POTEB3: variants seen among roughly 807,000 people sequenced by gnomAD.
The protein encoded by POTEB3 is POTE ankyrin domain family member B3, also known as ANKRD26-like family B member 1.
A neutral mutation model predicts 39.8 loss-of-function variants in POTEB3; 5 were observed. The observed-to-expected ratio is 0.13, with a 90% CI of 0.07 to 0.26. The LOEUF is 0.26. Among genes scored for constraint, POTEB3 ranks in the 10% least tolerant of loss-of-function variants. POTEB3 has a pLI of 1.00. For missense variants in POTEB3, 24 were observed against 475.6 expected (o/e 0.05, Z 8.83); for synonymous variants, 5 against 161.5 (o/e 0.03, Z 7.35).
intron 3 of POTEB3, among the ~76,000 whole-genome samples, chr15:21,434,038 C>T (rs1419932151): frequency 3.3e-5 from 4 of 120,780 alleles, no homozygotes; most frequent in African/African-American, 1.1e-4. Context: ...ACAACACACA[C>T]ACACACACAC....
chr15:21,426,401 A>C (rs1898709718), intron 6 of POTEB3, among the ~76,000 whole-genome samples: 1 of 150,540 alleles, frequency 6.6e-6, no homozygotes, highest in Non-Finnish European at 1.5e-5. Flanking sequence ...CACAGTAAGC[A>C]CTGAATAAAG....
intron 9 of POTEB3, among the ~76,000 whole-genome samples, chr15:21,414,634 A>AT (rs1898381283): frequency 2.5e-5 from 2 of 80,622 alleles, no homozygotes; most frequent in Non-Finnish European, 4.4e-5. Flanking sequence ...ACGCAGCAGC[A>AT]CCTGCTCCAC....
At chr15:21,423,056 C>T (rs1898572739) in intron 6 of POTEB3, among the ~76,000 whole-genome samples, 1 of 148,022 alleles carries the variant, frequency 6.8e-6, no homozygotes, top group Admixed American at 6.7e-5. Context: ...GTCTTCTTAA[C>T]ATCTAAAATG....
chr15:21,425,867 G>A (rs1380381817), intron 6 of POTEB3, among the ~76,000 whole-genome samples: 2 of 151,434 alleles, frequency 1.3e-5, no homozygotes, highest in Non-Finnish European at 2.9e-5. Context: ...TGGGATCCTA[G>A]GATATCACTG....
chr15:21,409,976 TACACACAC>T (rs59893004), intron 10 of POTEB3, among the ~76,000 whole-genome samples: 2 of 82,382 alleles, frequency 2.4e-5, no homozygotes, highest in South Asian at 2.9e-4. Context: ...CCATCTAGAA[TACACACAC>T]ACACACACAC....
At chr15:21,437,822 T>C (rs1899167661) in intron 1 of POTEB3, among the ~76,000 whole-genome samples, 1 of 64,374 alleles carries the variant, frequency 1.6e-5, no homozygotes, top group African/African-American at 7.1e-5. Context: ...CTCAGCTCAC[T>C]GCAACCTCCA....
chr15:21,413,548 A>ATG (rs1194249549), intron 9 of POTEB3, among the ~76,000 whole-genome samples: 3 of 28,654 alleles, frequency 1.0e-4, no homozygotes, highest in South Asian at 8.0e-4. Context: ...ATATATATAT[A>ATG]TATATGTATG....
intron 5 of POTEB3, chr15:21,429,114 A>G (rs1427072472): frequency 6.6e-6 from 1 of 150,378 alleles, no homozygotes; most frequent in Non-Finnish European, 1.5e-5. Flanking sequence ...CCTGTGAGGT[A>G]CAATTTGAAA....
chr15:21,428,991 C>T (rs1898842125), intron 5 of POTEB3: 2 of 149,520 alleles, frequency 1.3e-5, no homozygotes. Flanking sequence ...GGCACAAAGC[C>T]CTACTTTTAC....
At chr15:21,434,053 ACACACACACACAAAC>A (rs1899089041) in intron 3 of POTEB3, among the ~76,000 whole-genome samples, 3 of 102,016 alleles carry the variant, frequency 2.9e-5, no homozygotes, top group African/African-American at 1.0e-4. Flanking sequence ...ACACACACAC[ACACACACACACAAAC>A]AAAAACAAAA....
intron 6 of POTEB3, chr15:21,426,132 T>G (rs2141357651): frequency 2.3e-6 from 1 of 427,476 alleles, no homozygotes; most frequent in African/African-American, 2.1e-5. Flanking sequence ...CGGCATCCTG[T>G]CTTTTGCAGT....
chr15:21,433,329 C>G (rs1899049857), intron 3 of POTEB3, among the ~76,000 whole-genome samples: 1 of 150,454 alleles, frequency 6.6e-6, no homozygotes, highest in African/African-American at 2.4e-5. Context: ...CTCAGGCAAT[C>G]CTCCCACCTC....
rs1481430245 is a variant in POTEB3 at position 21,407,210 on chromosome 15, TC to T, written c.*1772del. On this transcript the variant is annotated 3_prime_UTR_variant, in exon 11 of 11. Transcript: ENST00000611217. ...TGGCCAGTGAAGGTGCCTTCTCTGA[TC>T]CCCCCCAAGCAACAGTGGTCACTCA... is the stretch of plus-strand genomic sequence containing the variant. 3.3e-5 allele frequency among the ~76,000 whole-genome samples: 1 copy of T among 30,548 alleles called. No individual in the cohort carries two copies. The highest frequency in any genetic ancestry group is 5.5e-5 in the Non-Finnish European group (1 of 18,216). The allele number at this position is 30,548 out of a possible 152,430, so 20.0% of individuals were successfully genotyped here.
At chr15:21,412,835 C>A in intron 9 of POTEB3, among the ~76,000 whole-genome samples, 2 of 40,576 alleles carry the variant, frequency 4.9e-5, no homozygotes, top group Non-Finnish European at 4.0e-5. Flanking sequence ...AAAGCAAAAG[C>A]AACAAAAATA....
intron 9 of POTEB3, among the ~76,000 whole-genome samples, chr15:21,414,033 A>G (rs1418903868): frequency 1.2e-5 from 1 of 83,626 alleles, no homozygotes; most frequent in Admixed American, 1.0e-4. Context: ...CCTAGTATTT[A>G]GTCAAAATAT....
chr15:21,434,061 AC>A (rs1470765321), intron 3 of POTEB3, among the ~76,000 whole-genome samples: 1,627 of 101,620 alleles, frequency 0.016, 45 homozygotes, highest in African/African-American at 0.081. Flanking sequence ...ACACACACAC[AC>A]ACAAACAAAA....
intron 6 of POTEB3, among the ~76,000 whole-genome samples, chr15:21,422,887 G>C: frequency 6.7e-6 from 1 of 148,958 alleles, no homozygotes; most frequent in Non-Finnish European, 1.5e-5. Context: ...TCTTTGTTCA[G>C]GGCTCAGCTT....
rs371745951 is a variant in POTEB3 at position 21,410,722 on chromosome 15, AGG to A, written c.1533+154_1533+155del. ...TATAGATATATGACCAAGGATATAC[AGG>A]GGGTGTGTGTGTGTGTGTGTATATA... On this transcript the variant is annotated intron_variant, in intron 10 of 10. Transcript: ENST00000611217. 5.8e-4 allele frequency among the ~76,000 whole-genome samples: 45 copies of A among 78,254 alleles called. 1 individual carries two copies. The highest frequency in any genetic ancestry group is 3.2e-3 in the African/African-American group (31 of 9,654). 51.3% of individuals were successfully genotyped at this position (78,254 alleles called of 152,430 possible). A position where few individuals can be genotyped will look rare whatever the true frequency, so the allele number is the denominator to read the frequency against.
intron 6 of POTEB3, among the ~76,000 whole-genome samples, chr15:21,424,832 AT>A (rs1290235915): frequency 1.3e-5 from 2 of 149,676 alleles, no homozygotes; most frequent in Non-Finnish European, 3.0e-5. Flanking sequence ...ACTAAATCAT[AT>A]TGACTATACC....
Sources: gnomAD v4.1 joint callset for allele counts (sites outside exome capture counted in the v4.1 genomes callset) on GRCh38, gnomAD v4.1.1 for gene constraint, MANE v1.5 for transcripts, NCBI Gene and HGNC (gene_info 2026-07-23, HGNC 2026-07-21) for gene names.